The following IKBIP variants were observed in gnomAD, a reference collection of about 807,000 sequenced individuals.
The protein encoded by IKBIP is inhibitor of nuclear factor kappa-B kinase-interacting protein.
In IKBIP, 28 loss-of-function variants were observed where a neutral mutation model predicts 31.0. The observed-to-expected ratio is 0.90, with a 90% confidence interval of 0.67 to 1.24. The LOEUF (loss-of-function observed/expected upper bound fraction) is 1.24, where lower values mean the gene tolerates loss of function less well. IKBIP is among the 50% of genes most tolerant of loss of function. The probability of loss-of-function intolerance (pLI) is 0.00; values close to 1 mark genes in which losing one functional copy is unlikely to be tolerated. For missense variants in IKBIP, 453 were observed against 441.9 expected, an observed-to-expected ratio of 1.03 and a Z score of -0.23; for synonymous variants, 164 against 160.3, an observed-to-expected ratio of 1.02 and a Z score of -0.17.
intron 2 of IKBIP, among the ~76,000 whole-genome samples, chr12:98,630,508 CTT>C (rs2097619134): frequency 1.4e-5 from 2 of 145,410 alleles, no homozygotes; most frequent in Admixed American, 1.4e-4. Flanking sequence ...TGGAAACTGA[CTT>C]TAAGTGGAAC....
intron 2 of IKBIP, 126 bp from the exon 3 acceptor site, chr12:98,626,892 A>T (rs1243908144): frequency 1.5e-6 from 1 of 668,680 alleles, no homozygotes; most frequent in Non-Finnish European, 2.5e-6. Context: ...AAAATATCCA[A>T]GTATATCAGA....
At chr12:98,635,408 T>C (rs75434897) in intron 1 of IKBIP, among the ~76,000 whole-genome samples, 132 of 152,360 alleles carry the variant, frequency 8.7e-4, no homozygotes, top group African/African-American at 3.1e-3. Flanking sequence ...ATGCAGCTTT[T>C]ATCAGTTTCT....
In IKBIP at chr12:98,638,376, G is replaced by A. The variant is rs571866843; in HGVS notation, c.180-3963C>T. 7.9e-5 allele frequency among the ~76,000 whole-genome samples: 12 copies of A among 151,750 alleles called. No individual in the cohort carries two copies. In the East Asian group the frequency reaches 2.3e-3, roughly 30 times the overall value. ...GATCATGGCTCACTGTAGCCTCCCAGGCCCAATCCATCCTACCCCCTCAGC... is the reference window on the plus strand; with the variant it reads ...GATCATGGCTCACTGTAGCCTCCCAAGCCCAATCCATCCTACCCCCTCAGC... On this transcript the variant is annotated intron_variant, in intron 1 of 2. Coordinates refer to ENST00000299157, the MANE Select transcript of IKBIP (RefSeq NM_153687.4).
chr12:98,622,633 T>TC (rs1491449113), downstream of IKBIP, among the ~76,000 whole-genome samples: 6 of 152,172 alleles, frequency 3.9e-5, no homozygotes, highest in African/African-American at 1.4e-4. Context: ...TTTTTTTTTT[T>TC]TCTTATTGAG....
chr12:98,644,437 C>T, intron 1 of IKBIP, 86 bp downstream of exon 1: 2 of 1,364,228 alleles, frequency 1.5e-6, no homozygotes, highest in Non-Finnish European at 2.0e-6. Flanking sequence ...GGTTGGATCA[C>T]CTCCGGCTGG....
chr12:98,630,129 A>C (rs985526137), intron 2 of IKBIP, among the ~76,000 whole-genome samples: 4 of 151,922 alleles, frequency 2.6e-5, no homozygotes, highest in Non-Finnish European at 5.9e-5. Flanking sequence ...CACACCTGTA[A>C]TCCCAGCACT....
chr12:98,619,614 A>G (rs2097608484), downstream of IKBIP, among the ~76,000 whole-genome samples: 1 of 152,118 alleles, frequency 6.6e-6, no homozygotes, highest in Non-Finnish European at 1.5e-5. Flanking sequence ...AGTAGCTGAA[A>G]ACAGCACATC....
In IKBIP at chr12:98,625,991, C is replaced by G. The variant is rs1209203131; in HGVS notation, c.1073G>C (p.Gly358Ala). The change falls in exon 3 of 3, where the codon GGA becomes GCA. Residue 358 changes from glycine to alanine, a missense_variant. Transcript: ENST00000299157. ...ATATTCTTTTAAAGTTCCCTTTTCT[C>G]CTGTACTTGAGTATGCTATAAAATC... Reference protein sequence around the residue: ...VHDFIAYSSTGEKGTLKEYNI... With the variant: ...VHDFIAYSSTAEKGTLKEYNI... 6.7e-7 allele frequency: 1 copy of G among 1,492,330 alleles called. No homozygotes were observed. Among genetic ancestry groups the G allele is most frequent in the South Asian group, 1.3e-5 (1 of 74,426 alleles). The allele number at this position is 1,492,330 out of a possible 1,614,324, so 92.4% of individuals were successfully genotyped here. A position where few individuals can be genotyped will look rare whatever the true frequency, so the allele number is the denominator to read the frequency against.
At position 98,627,674 on chromosome 12, in the gene IKBIP, G is replaced by A. The variant is rs185957955; in HGVS notation, c.298-908C>T. ...AGGATGGTCTCGATCCCCTGACCTC[G>A]TGATCCGCCCACCTCAGCCTCCCAA... is the stretch of plus-strand genomic sequence containing the variant. On this transcript the variant is annotated intron_variant, in intron 2 of 2. Transcript: ENST00000299157. 3.3e-3 allele frequency among the ~76,000 whole-genome samples: 496 copies of A among 152,212 alleles called. 4 individuals are homozygous for A. Among genetic ancestry groups the A allele is most frequent in the African/African-American group, 0.011 (456 of 41,548 alleles).
intron 1 of IKBIP, among the ~76,000 whole-genome samples, chr12:98,639,395 CT>C (rs1475312018): frequency 6.6e-6 from 1 of 152,196 alleles, no homozygotes; most frequent in African/African-American, 2.4e-5. Context: ...GATTAGACCA[CT>C]TATAAATCAC....
chr12:98,624,671 T>C lies in IKBIP; in HGVS notation c.*1259A>G. On this transcript the variant is annotated 3_prime_UTR_variant, in exon 3 of 3. Transcript: ENST00000299157. ...TAATTTCAAATAAAATAAAATCAAT[T>C]CATAAAACAAATTTAGTGGTGTGGT... The C allele has an allele frequency of 1.1e-6, 1 of 884,270 alleles. No homozygotes were observed. Among genetic ancestry groups the C allele is most frequent in the Non-Finnish European group, 1.4e-6 (1 of 737,906 alleles). The allele number at this position is 884,270 out of a possible 1,614,324, so 54.8% of individuals were successfully genotyped here. A position where few individuals can be genotyped will look rare whatever the true frequency, so the allele number is the denominator to read the frequency against.
At chr12:98,631,011 C>T (rs1388539184) in intron 2 of IKBIP, among the ~76,000 whole-genome samples, 1 of 150,780 alleles carries the variant, frequency 6.6e-6, no homozygotes, top group Non-Finnish European at 1.5e-5. Flanking sequence ...CGGCTCACCA[C>T]AACCTCCACC....
downstream of IKBIP, among the ~76,000 whole-genome samples, chr12:98,620,633 G>A (rs928433013): frequency 3.9e-5 from 6 of 152,160 alleles, no homozygotes; most frequent in Non-Finnish European, 8.8e-5. Context: ...CCAAAGCGCT[G>A]AAATTACAGG....
In IKBIP at chr12:98,643,106, C is replaced by A. The variant is rs534811946; in HGVS notation, c.179+1417G>T. Among the ~76,000 whole-genome samples the A allele has an allele frequency of 5.3e-5, 8 of 152,156 alleles. No individual in the cohort carries two copies. In the East Asian group the frequency reaches 1.5e-3, roughly 29 times the overall value. ...TAGCTGGGATTGCAGGTTTGTGCCA[C>A]CAAGCCTGGCTAATTTTTGTATTTT... On this transcript the variant is annotated intron_variant, in intron 1 of 2. Transcript: ENST00000299157.
intron 1 of IKBIP, among the ~76,000 whole-genome samples, chr12:98,641,529 A>G (rs2097630421): frequency 1.3e-5 from 2 of 152,226 alleles, no homozygotes; most frequent in Non-Finnish European, 2.9e-5. Context: ...ACTATGAATA[A>G]ATATTTTGCA....
intron 1 of IKBIP, 113 bp from the exon 2 acceptor site, chr12:98,634,526 A>T: frequency 1.0e-4 from 49 of 483,148 alleles, no homozygotes; most frequent in East Asian, 2.4e-4. Flanking sequence ...TGGTATGGGT[A>T]GCTGTAGGTT....
intron 1 of IKBIP, among the ~76,000 whole-genome samples, chr12:98,635,521 A>T (rs12371097): frequency 6.6e-6 from 1 of 152,098 alleles, no homozygotes; most frequent in African/African-American, 2.4e-5. Flanking sequence ...AGATGGTGTG[A>T]TATCTGTAAT....
Position 98,624,446 on chromosome 12 carries a change from C to G in IKBIP, c.*1484G>C. On this transcript the variant is annotated 3_prime_UTR_variant, in exon 3 of 3. Transcript: ENST00000299157. ...CTGTCTACCACAGGCCCTCCTAACTCCAGTGGAGAAGGAGTTTGGGGGTTC... is the reference window on the plus strand; with the variant it reads ...CTGTCTACCACAGGCCCTCCTAACTGCAGTGGAGAAGGAGTTTGGGGGTTC... 1 of 985,172 alleles carries G rather than the reference C, an allele frequency of 1.0e-6. No homozygotes were observed. Among genetic ancestry groups the G allele is most frequent in the Non-Finnish European group, 1.2e-6 (1 of 829,716 alleles). The allele number at this position is 985,172 out of a possible 1,614,324, so 61.0% of individuals were successfully genotyped here.
At chr12:98,641,406 G>A (rs889695403) in intron 1 of IKBIP, among the ~76,000 whole-genome samples, 1 of 152,142 alleles carries the variant, frequency 6.6e-6, no homozygotes. Flanking sequence ...GATCTCAATG[G>A]CTTTGTCAAA....
Sources: allele counts gnomAD v4.1 joint callset (sites outside exome capture counted in the v4.1 genomes callset), GRCh38; gene constraint gnomAD v4.1.1; transcripts MANE v1.5; gene names NCBI Gene and HGNC (gene_info 2026-07-23, HGNC 2026-07-21).